Variants in CPN1 observed in about 807,000 individuals in gnomAD.
CPN1 encodes the protein carboxypeptidase N subunit 1, also known as carboxypeptidase N catalytic chain.
Under a neutral mutation model 46.4 loss-of-function variants are expected in CPN1, and 37 were observed. The observed-to-expected ratio is 0.80, with a 90% CI of 0.61 to 1.05. The LOEUF (loss-of-function observed/expected upper bound fraction) is 1.05. CPN1 is among the 50% of genes least tolerant of loss of function. The probability of loss-of-function intolerance (pLI) is 0.00; values close to 1 mark genes in which losing one functional copy is unlikely to be tolerated. For synonymous variants in CPN1, 224 were observed against 235.4 expected (o/e 0.95, Z 0.44); for missense variants, 563 against 602.6 (o/e 0.93, Z 0.69).
intron 8 of CPN1, among the ~76,000 whole-genome samples, chr10:100,044,507 T>C (rs1385883421): frequency 6.6e-6 from 1 of 152,064 alleles, no homozygotes; most frequent in Admixed American, 6.6e-5. Context: ...CCCAAGTAGC[T>C]GGCACTACAT....
rs1305674471 is a variant in CPN1, at chr10:100,063,652, C to T, written c.833G>A (p.Gly278Asp). The T allele has an allele frequency of 6.2e-7, 1 of 1,614,026 alleles. No homozygotes were observed. Among genetic ancestry groups the T allele is most frequent in the Admixed American group, 1.7e-5 (1 of 60,010 alleles). ...GWNCGDYFPDGITNGASWYSL... is the reference protein window; with the variant it reads ...GWNCGDYFPDDITNGASWYSL... ...ATACCAGGAAGCCCCATTGGTGATGCCATCTGGGAAGTAATCTCCGCAGTT... is the reference window on the plus strand; with the variant it reads ...ATACCAGGAAGCCCCATTGGTGATGTCATCTGGGAAGTAATCTCCGCAGTT... The change falls in exon 5 of 9, where the codon GGC becomes GAC. Residue 278 changes from glycine (G) to aspartate (D), a missense_variant. Gly to Asp is a moderately conservative substitution (Grantham distance 94). Transcript: ENST00000370418.
intron 7 of CPN1, among the ~76,000 whole-genome samples, chr10:100,050,338 A>G (rs966706741): frequency 6.6e-6 from 1 of 150,704 alleles, no homozygotes; most frequent in Non-Finnish European, 1.5e-5. Context: ...TTGGTGACAG[A>G]GCAAGATTCT....
intron 5 of CPN1, 110 bp downstream of exon 5, chr10:100,063,504 G>C: frequency 1.2e-6 from 1 of 849,666 alleles, no homozygotes; most frequent in Non-Finnish European, 2.0e-6. Context: ...CTCAACTTGA[G>C]TGCAAAATTC....
chr10:100,057,415 G>A (rs867447838), intron 5 of CPN1, among the ~76,000 whole-genome samples: 10 of 152,150 alleles, frequency 6.6e-5, no homozygotes, highest in African/African-American at 2.4e-4. Context: ...GCAAGAGTCC[G>A]AGGAGATTAG....
chr10:100,058,542 T>C (rs764320813), intron 5 of CPN1, among the ~76,000 whole-genome samples: 13 of 152,212 alleles, frequency 8.5e-5, no homozygotes, highest in Non-Finnish European at 1.3e-4. Flanking sequence ...ATTATTAGGA[T>C]GGTTATTTAC....
intron 3 of CPN1, among the ~76,000 whole-genome samples, chr10:100,066,350 C>G (rs2041454845): frequency 6.6e-6 from 1 of 152,146 alleles, no homozygotes; most frequent in Non-Finnish European, 1.5e-5. Flanking sequence ...CCCATTTTAC[C>G]CACTGCTCCA....
At chr10:100,078,656 T>A (rs2133450451) in intron 1 of CPN1, among the ~76,000 whole-genome samples, 1 of 152,336 alleles carries the variant, frequency 6.6e-6, no homozygotes, top group African/African-American at 2.4e-5. Context: ...ATGGGCGTGA[T>A]TATGTTCCCA....
intron 7 of CPN1, among the ~76,000 whole-genome samples, chr10:100,050,744 C>A (rs186563465): frequency 6.6e-6 from 1 of 152,146 alleles, no homozygotes; most frequent in East Asian, 1.9e-4. Flanking sequence ...CCTGCCTCAG[C>A]CTTTTGAATA....
In CPN1 at chr10:100,065,180, C is replaced by T; in HGVS notation, c.759+8G>A. ...TCCCCTGGCGGGACAAGCTGCTTCTCCACATACCTTCTGGAAGAGCTTGTC... is the reference window on the plus strand; with the variant it reads ...TCCCCTGGCGGGACAAGCTGCTTCTTCACATACCTTCTGGAAGAGCTTGTC... On this transcript the variant is annotated splice_region_variant and intron_variant, in intron 4 of 8. Coordinates refer to ENST00000370418, the MANE Select transcript of CPN1 (RefSeq NM_001308.3). The T allele has an allele frequency of 6.2e-7, 1 of 1,611,770 alleles. No individual in the cohort carries two copies. Among genetic ancestry groups the T allele is most frequent in the East Asian group, 2.2e-5 (1 of 44,840 alleles).
intron 2 of CPN1, 99 bp downstream of exon 2, chr10:100,075,812 G>T: frequency 8.2e-7 from 1 of 1,219,202 alleles, no homozygotes; most frequent in Non-Finnish European, 1.2e-6. Flanking sequence ...TTTAACATTT[G>T]TGATATTTAC....
At chr10:100,077,323 C>G (rs531235402) in intron 1 of CPN1, among the ~76,000 whole-genome samples, 58 of 151,488 alleles carry the variant, frequency 3.8e-4, no homozygotes, top group African/African-American at 1.3e-3. Context: ...CTCCACCTCC[C>G]AGGTTCAAGC....
chr10:100,057,426 T>C (rs993495413), intron 5 of CPN1, among the ~76,000 whole-genome samples: 1 of 152,076 alleles, frequency 6.6e-6, no homozygotes, highest in Non-Finnish European at 1.5e-5. Flanking sequence ...AGGAGATTAG[T>C]TGTGGCAATA....
At chr10:100,077,298 C>T (rs1344001620) in intron 1 of CPN1, among the ~76,000 whole-genome samples, 1 of 148,056 alleles carries the variant, frequency 6.8e-6, no homozygotes, top group African/African-American at 2.6e-5. Context: ...TGGCAAAATC[C>T]CAGTTCACTG....
intron 1 of CPN1, among the ~76,000 whole-genome samples, chr10:100,078,355 T>C (rs1489859828): frequency 1.3e-5 from 2 of 152,216 alleles, no homozygotes; most frequent in African/African-American, 4.8e-5. Context: ...ACTTTCAATA[T>C]ATCTGGAACA....
At chr10:100,066,499 C>G (rs1278649760) in intron 3 of CPN1, among the ~76,000 whole-genome samples, 1 of 152,216 alleles carries the variant, frequency 6.6e-6, no homozygotes, top group Non-Finnish European at 1.5e-5. Flanking sequence ...GTGGTCAAAT[C>G]CAAATTTCAT....
chr10:100,048,887 C>CAAAGATAT lies in CPN1; in HGVS notation c.1112-19_1112-12dup. 6.3e-7 allele frequency: 1 copy of CAAAGATAT among 1,586,226 alleles called. No homozygotes were observed. Among genetic ancestry groups the CAAAGATAT allele is most frequent in the Non-Finnish European group, 8.7e-7 (1 of 1,155,436 alleles). On this transcript the variant is annotated splice_polypyrimidine_tract_variant and intron_variant, in intron 7 of 8. Transcript: ENST00000370418. Reference sequence around the variant, plus strand: ...AATCACCATGGTCACCTGAAAGTCACAAAGATATAACTCAGTCTACTGATT... The same window carrying CAAAGATAT: ...AATCACCATGGTCACCTGAAAGTCACAAAGATATAAAGATATAACTCAGTCTACTGATT...
At chr10:100,046,038 A>C (rs1447850333) in intron 8 of CPN1, among the ~76,000 whole-genome samples, 1 of 152,202 alleles carries the variant, frequency 6.6e-6, no homozygotes, top group East Asian at 1.9e-4. Context: ...CTGAGATCTT[A>C]ATACAACCAA....
At chr10:100,064,387 AT>A (rs139611144) in intron 4 of CPN1, among the ~76,000 whole-genome samples, 3,729 of 147,390 alleles carry the variant, frequency 0.025, 77 homozygotes, top group Non-Finnish European at 0.043. Flanking sequence ...TTAGTATATA[AT>A]TTTTTTTTTG....
At chr10:100,044,833 C>T (rs1181810172) in intron 8 of CPN1, among the ~76,000 whole-genome samples, 2 of 152,074 alleles carry the variant, frequency 1.3e-5, no homozygotes, top group Admixed American at 6.5e-5. Context: ...GCCTCAGCCT[C>T]CCAAGGAGCT....
Sources: allele counts gnomAD v4.1 joint callset (sites outside exome capture counted in the v4.1 genomes callset), GRCh38; gene constraint gnomAD v4.1.1; transcripts MANE v1.5; gene names NCBI Gene and HGNC (gene_info 2026-07-23, HGNC 2026-07-21).